The following BCL2L13 variants were observed in gnomAD, a reference collection of about 807,000 sequenced individuals.
The protein encoded by BCL2L13 is bcl-2-like protein 13.
A neutral mutation model predicts 25.8 loss-of-function variants in BCL2L13; 13 were observed. The observed-to-expected ratio is 0.50, with a 90% CI of 0.33 to 0.80. BCL2L13 has a LOEUF of 0.80. Ranked by LOEUF, BCL2L13 falls within the 30% of genes least tolerant of loss-of-function variation. BCL2L13 has a pLI of 0.02. For missense variants in BCL2L13, 504 were observed against 574.9 expected (o/e 0.88, Z 1.26); for synonymous variants, 244 against 230.3 (o/e 1.06, Z -0.54).
intron 6 of BCL2L13, among the ~76,000 whole-genome samples, chr22:17,726,292 A>G (rs2061294903): frequency 1.3e-5 from 2 of 151,334 alleles, no homozygotes; most frequent in Admixed American, 6.6e-5. Flanking sequence ...CGGAGGTTGC[A>G]GTGAGCTGAG....
chr22:17,673,533 AT>A (rs34253686), intron 2 of BCL2L13, among the ~76,000 whole-genome samples: 90,365 of 130,970 alleles, frequency 0.69, 30,781 homozygotes, highest in East Asian at 0.86. Flanking sequence ...ATGCCTGGCA[AT>A]TTTTTTTTTT....
In BCL2L13 at chr22:17,727,536, A is replaced by C; in HGVS notation, c.*2A>C. On this transcript the variant is annotated 3_prime_UTR_variant, in exon 7 of 7. Transcript: ENST00000317582. ...GCCCTGGCTCTGAGAAAGAAATAGG[A>C]GGCTTTTCAGAAGAGAAAGACAGAA... 1 of 1,613,320 alleles carries C rather than the reference A, an allele frequency of 6.2e-7. No homozygotes were observed. The highest frequency in any genetic ancestry group is 1.1e-5 in the South Asian group (1 of 91,064).
rs113046030 is a variant in BCL2L13, at chr22:17,720,154, T to TTTTCTTTC, written c.601-6502_601-6495dup. Among the ~76,000 whole-genome samples, 247 of 141,850 alleles carry TTTTCTTTC rather than the reference T, an allele frequency of 1.7e-3. 3 individuals are homozygous for TTTTCTTTC. Among genetic ancestry groups the TTTTCTTTC allele is most frequent in the Admixed American group, 5.4e-3 (77 of 14,218 alleles). 93.1% of individuals were successfully genotyped at this position (141,850 alleles called of 152,430 possible). A position where few individuals can be genotyped will look rare whatever the true frequency, so the allele number is the denominator to read the frequency against. ...GTACACCTAGAAATGGTGGGTTTCA[T>TTTTCTTTC]TTTCTTTCTTTCTTTCTTTCTTTCT... On this transcript the variant is annotated intron_variant, in intron 6 of 6. Coordinates refer to ENST00000317582, the MANE Select transcript of BCL2L13 (RefSeq NM_015367.4).
At chr22:17,711,359 A>G (rs919319131) in intron 6 of BCL2L13, among the ~76,000 whole-genome samples, 1 of 139,152 alleles carries the variant, frequency 7.2e-6, no homozygotes, top group Non-Finnish European at 1.5e-5. Context: ...GCGCAGTGGC[A>G]CAATCTCGGC....
intron 1 of BCL2L13, among the ~76,000 whole-genome samples, chr22:17,643,702 A>G (rs2146407751): frequency 6.6e-6 from 1 of 152,014 alleles, no homozygotes; most frequent in South Asian, 2.1e-4. Flanking sequence ...ATCTCGGCTC[A>G]CTGCACGCCC....
chr22:17,651,084 C>T (rs899952620), intron 1 of BCL2L13, among the ~76,000 whole-genome samples: 59 of 148,584 alleles, frequency 4.0e-4, no homozygotes, highest in Non-Finnish European at 1.5e-5. Flanking sequence ...ACCTCTGCCT[C>T]CCAAGTCCCG....
intron 1 of BCL2L13, among the ~76,000 whole-genome samples, chr22:17,649,542 G>A (rs1434005426): frequency 5.3e-5 from 8 of 151,696 alleles, no homozygotes; most frequent in Non-Finnish European, 7.4e-5. Flanking sequence ...TTGCTCTGTC[G>A]CCCAGGCTGT....
In BCL2L13 at chr22:17,647,067, G is replaced by A. The variant is rs113841286; in HGVS notation, c.-51+8181G>A. On this transcript the variant is annotated intron_variant, in intron 1 of 6. Coordinates refer to ENST00000317582, the MANE Select transcript of BCL2L13 (RefSeq NM_015367.4). The stretch of plus-strand genomic sequence containing the variant: ...TGGCTAACTGCAAGCTCCGCCTCCC[G>A]GGTTCACACCATTCTCCTGTCTCAG... Among the ~76,000 whole-genome samples, 361 of 145,056 alleles carry A rather than the reference G, an allele frequency of 2.5e-3. 1 individual carries two copies. Among genetic ancestry groups the A allele is most frequent in the Non-Finnish European group, 4.4e-3 (292 of 66,862 alleles).
Position 17,729,987 on chromosome 22 carries a change from G to A in BCL2L13, c.*2453G>A, listed in dbSNP as rs754704205. The A allele has an allele frequency of 2.0e-5, 3 of 149,144 alleles. No homozygotes were observed. Among genetic ancestry groups the A allele is most frequent in the Admixed American group, 6.9e-5 (1 of 14,464 alleles). The allele number at this position is 149,144 out of a possible 1,614,324, so 9.2% of individuals were successfully genotyped here. ...ATTTCTCAAGCTTCCCCTCCTTTTG[G>A]GGGGAGGAGCTGATAGTAGGAGGCC... On this transcript the variant is annotated 3_prime_UTR_variant, in exon 7 of 7. Transcript: ENST00000317582.
At chr22:17,716,009 T>TG (rs1436617368) in intron 6 of BCL2L13, among the ~76,000 whole-genome samples, 1 of 152,248 alleles carries the variant, frequency 6.6e-6, no homozygotes, top group African/African-American at 2.4e-5. Flanking sequence ...AGGCATTACC[T>TG]GGGGGATAAC....
intron 1 of BCL2L13, among the ~76,000 whole-genome samples, chr22:17,650,072 G>T (rs1034162824): frequency 4.6e-5 from 7 of 151,276 alleles, no homozygotes; most frequent in Admixed American, 1.3e-4. Flanking sequence ...GTTTCACCAT[G>T]TTGGCCAGGC....
At chr22:17,647,220 C>T (rs542097128) in intron 1 of BCL2L13, among the ~76,000 whole-genome samples, 2 of 151,352 alleles carry the variant, frequency 1.3e-5, no homozygotes, top group South Asian at 4.2e-4. Flanking sequence ...GTGATCCGCT[C>T]GCCTTGGCCT....
At chr22:17,659,471 C>T (rs1281231924) in intron 2 of BCL2L13, among the ~76,000 whole-genome samples, 4 of 144,972 alleles carry the variant, frequency 2.8e-5, no homozygotes, top group Non-Finnish European at 6.3e-5. Flanking sequence ...CCCATCCTGG[C>T]TAACATGGTG....
At position 17,696,169 on chromosome 22, in the gene BCL2L13, T is replaced by C. The variant is rs779343604; in HGVS notation, c.415T>C (p.Cys139Arg). 4 of 1,613,866 alleles carry C rather than the reference T, an allele frequency of 2.5e-6. No homozygotes were observed. Among genetic ancestry groups the C allele is most frequent in the Non-Finnish European group, 3.4e-6 (4 of 1,179,882 alleles). ...AGTGACATATCAGGCATTTCGGGAA[T>C]GTACACTGGAGACCACAGTTCATGC... ...QPVTYQAFRE[C>R]TLETTVHASG... The change falls in exon 5 of 7, where the codon TGT (cysteine) becomes CGT (arginine). Residue 139 changes from cysteine (C) to arginine (R), a missense_variant. By Grantham distance (180) the Cys-to-Arg change is radical (BLOSUM62 -3). Coordinates refer to ENST00000317582, the MANE Select transcript of BCL2L13 (RefSeq NM_015367.4).
At chr22:17,634,960 G>GAAAAAAAAAA (rs60698908), upstream of BCL2L13, among the ~76,000 whole-genome samples, 1 of 101,970 alleles carries the variant, frequency 9.8e-6, no homozygotes. Flanking sequence ...GTCTCAAAAG[G>GAAAAAAAAAA]AAAAAAAAAA....
intron 6 of BCL2L13, among the ~76,000 whole-genome samples, chr22:17,712,524 G>A (rs372218962): frequency 6.6e-6 from 1 of 152,142 alleles, no homozygotes; most frequent in African/African-American, 2.4e-5. Context: ...CTCTGTACCT[G>A]AGCCTTTCTT....
At chr22:17,639,914 G>A (rs1485983986) in intron 1 of BCL2L13, among the ~76,000 whole-genome samples, 1 of 151,552 alleles carries the variant, frequency 6.6e-6, no homozygotes, top group Non-Finnish European at 1.5e-5. Context: ...GAGTGCAATG[G>A]CGCGATCTCA....
chr22:17,642,333 A>G (rs2058322016), intron 1 of BCL2L13, among the ~76,000 whole-genome samples: 1 of 151,250 alleles, frequency 6.6e-6, no homozygotes, highest in South Asian at 2.1e-4. Flanking sequence ...TAATTTTTGT[A>G]TTTTTAGTAG....
intron 1 of BCL2L13, among the ~76,000 whole-genome samples, chr22:17,650,729 A>G (rs1265318632): frequency 1.3e-5 from 2 of 152,064 alleles, no homozygotes; most frequent in Non-Finnish European, 2.9e-5. Context: ...TTTTTAAAAG[A>G]TAGGATCTTG....
Sources: gnomAD v4.1 joint callset for allele counts (sites outside exome capture counted in the v4.1 genomes callset) on GRCh38, gnomAD v4.1.1 for gene constraint, MANE v1.5 for transcripts, NCBI Gene and HGNC (gene_info 2026-07-23, HGNC 2026-07-21) for gene names.